UST: variants seen among roughly 807,000 people sequenced by gnomAD.
UST encodes uronyl 2-sulfotransferase.
Under a neutral mutation model 45.6 loss-of-function variants are expected in UST, and 21 were observed. That is an observed-to-expected ratio of 0.46 (90% CI 0.33 to 0.66). The LOEUF (loss-of-function observed/expected upper bound fraction) is 0.66, where lower values mean the gene tolerates loss of function less well. Ranked by LOEUF, UST falls within the 30% of genes least tolerant of loss-of-function variation. The pLI, the probability that UST is intolerant of heterozygous loss-of-function variation, is 0.02. For synonymous variants in UST, 215 were observed against 200.6 expected (o/e 1.07, Z -0.61); for missense variants, 463 against 512.4 (o/e 0.90, Z 0.93).
intron 1 of UST, among the ~76,000 whole-genome samples, chr6:148,878,716 A>G (rs1286315827): frequency 6.8e-6 from 1 of 146,798 alleles, no homozygotes; most frequent in Non-Finnish European, 1.5e-5. Context: ...GAGGTCGTGT[A>G]TGAGTGCAGG....
chr6:148,796,172 A>G lies in UST; in HGVS notation c.247+48495A>G, dbSNP rs923492215. 2.0e-4 allele frequency among the ~76,000 whole-genome samples: 30 copies of G among 152,226 alleles called. 1 individual carries two copies. The highest frequency in any genetic ancestry group is 6.0e-4 in the African/African-American group (25 of 41,460). On this transcript the variant is annotated intron_variant, in intron 1 of 7. Coordinates refer to ENST00000367463, the MANE Select transcript of UST (RefSeq NM_005715.3). Reference sequence around the variant, plus strand: ...TAGGATGAGGATTGAGATGAGAAGCATGGCACTTTGCCCTTTATTTCAGTA... The same window carrying G: ...TAGGATGAGGATTGAGATGAGAAGCGTGGCACTTTGCCCTTTATTTCAGTA...
chr6:148,949,098 C>T (rs1350675890), intron 3 of UST, among the ~76,000 whole-genome samples: 2 of 151,960 alleles, frequency 1.3e-5, no homozygotes, highest in African/African-American at 4.8e-5. Context: ...CAAGACCAGC[C>T]TGACCAACAT....
chr6:149,054,556 G>A (rs942415296), intron 7 of UST, among the ~76,000 whole-genome samples: 1 of 152,128 alleles, frequency 6.6e-6, no homozygotes, highest in African/African-American at 2.4e-5. Flanking sequence ...ACTTTATACA[G>A]ATCTTATAAA....
At chr6:148,839,083 G>T (rs1219738265) in intron 1 of UST, among the ~76,000 whole-genome samples, 1 of 152,162 alleles carries the variant, frequency 6.6e-6, no homozygotes, top group Non-Finnish European at 1.5e-5. Context: ...TAATCACCTG[G>T]AATCTGGCAA....
intron 1 of UST, among the ~76,000 whole-genome samples, chr6:148,761,616 C>T (rs1348909356): frequency 6.6e-5 from 10 of 152,026 alleles, no homozygotes; most frequent in Non-Finnish European, 8.8e-5. Flanking sequence ...CAGAAAGTGC[C>T]GATTGGTGGA....
intron 1 of UST, among the ~76,000 whole-genome samples, chr6:148,802,486 A>G (rs912629298): frequency 2.0e-5 from 3 of 152,244 alleles, no homozygotes; most frequent in African/African-American, 7.2e-5. Context: ...AAGTATGGGT[A>G]GGAAAGATTA....
chr6:148,871,408 T>C (rs568777934), intron 1 of UST, among the ~76,000 whole-genome samples: 1 of 152,218 alleles, frequency 6.6e-6, no homozygotes, highest in South Asian at 2.1e-4. Flanking sequence ...TTTCAGTAAA[T>C]CTTAGATGGG....
At chr6:148,892,509 T>G (rs2114850896) in intron 2 of UST, among the ~76,000 whole-genome samples, 1 of 152,368 alleles carries the variant, frequency 6.6e-6, no homozygotes, top group Admixed American at 6.5e-5. Flanking sequence ...AATCATTCCC[T>G]TAGGCTCACA....
At chr6:149,042,972 T>TTTCC (rs1776338218) in intron 7 of UST, among the ~76,000 whole-genome samples, 1 of 107,330 alleles carries the variant, frequency 9.3e-6, no homozygotes, top group Non-Finnish European at 1.9e-5. Flanking sequence ...TCTTTCTTTC[T>TTTCC]TTCTTTCTTT....
In UST at chr6:149,056,117, CTTTTTTTTTTT is replaced by C. The variant is rs34191810; in HGVS notation, c.938-17700_938-17690del. Among the ~76,000 whole-genome samples the C allele has an allele frequency of 3.8e-4, 31 of 81,064 alleles. No homozygotes were observed. The East Asian group carries it at 6.0e-3, about 16-fold the overall frequency. The allele number at this position is 81,064 out of a possible 152,430, so 53.2% of individuals were successfully genotyped here. A position where few individuals can be genotyped will look rare whatever the true frequency, so the allele number is the denominator to read the frequency against. On this transcript the variant is annotated intron_variant, in intron 7 of 7. Transcript: ENST00000367463. Reference sequence around the variant, plus strand: ...TGTTACTCTGCTTTTCTTTTCTTTTCTTTTTTTTTTTTTTTTTTTTTTTTTTGAAATGGGGT... The same window carrying C: ...TGTTACTCTGCTTTTCTTTTCTTTTCTTTTTTTTTTTTTTTGAAATGGGGT...
intron 2 of UST, among the ~76,000 whole-genome samples, chr6:148,911,543 A>G (rs1779475146): frequency 6.6e-6 from 1 of 152,166 alleles, no homozygotes; most frequent in South Asian, 2.1e-4. Flanking sequence ...CTGTTGATAC[A>G]CTTGATGCCT....
At chr6:148,788,477 A>G (rs1161815820) in intron 1 of UST, among the ~76,000 whole-genome samples, 3 of 152,226 alleles carry the variant, frequency 2.0e-5, no homozygotes, top group African/African-American at 7.2e-5. Flanking sequence ...TGAAATAATC[A>G]GAAATTTCTT....
At chr6:148,836,938 C>A (rs980256541) in intron 1 of UST, among the ~76,000 whole-genome samples, 2 of 152,116 alleles carry the variant, frequency 1.3e-5, no homozygotes, top group Non-Finnish European at 2.9e-5. Flanking sequence ...ATGAGTAATT[C>A]TCTTTAGAAG....
At chr6:149,044,650 T>C (rs1469353555) in intron 7 of UST, among the ~76,000 whole-genome samples, 1 of 152,156 alleles carries the variant, frequency 6.6e-6, no homozygotes, top group Non-Finnish European at 1.5e-5. Context: ...ATGGGGTTTA[T>C]TGGGGAAATG....
At chr6:149,017,501 C>G (rs1934227) in intron 5 of UST, among the ~76,000 whole-genome samples, 49,564 of 152,068 alleles carry the variant, frequency 0.33, 8,799 homozygotes, top group Non-Finnish European at 0.41. Context: ...AAACTGCTTT[C>G]AATCGTGTGC....
intron 1 of UST, among the ~76,000 whole-genome samples, chr6:148,809,368 C>T (rs535318453): frequency 6.6e-6 from 1 of 151,158 alleles, no homozygotes; most frequent in East Asian, 1.9e-4. Flanking sequence ...ACCTCTTTCT[C>T]CCATACACTG....
At chr6:148,871,222 A>G (rs1345080696) in intron 1 of UST, among the ~76,000 whole-genome samples, 1 of 149,538 alleles carries the variant, frequency 6.7e-6, no homozygotes, top group East Asian at 2.0e-4. Flanking sequence ...CACAGGCAGG[A>G]TGAGGGCTCT....
At chr6:148,995,080 A>G (rs1781426595) in intron 5 of UST, among the ~76,000 whole-genome samples, 1 of 152,158 alleles carries the variant, frequency 6.6e-6, no homozygotes, top group Admixed American at 6.5e-5. Context: ...GCTGGAGTGC[A>G]GTGGGGCGAT....
intron 7 of UST, among the ~76,000 whole-genome samples, chr6:149,042,958 T>TCTTC (rs1491419102): frequency 4.5e-4 from 16 of 35,724 alleles, no homozygotes; most frequent in Non-Finnish European, 5.9e-4. Flanking sequence ...ACCATCCTTT[T>TCTTC]CTTTCTTTCT....
Sources: gnomAD v4.1 joint callset for allele counts (sites outside exome capture counted in the v4.1 genomes callset) on GRCh38, gnomAD v4.1.1 for gene constraint, MANE v1.5 for transcripts, NCBI Gene and HGNC (gene_info 2026-07-23, HGNC 2026-07-21) for gene names.